SHOC2: variants seen among roughly 807,000 people sequenced by gnomAD.
The protein encoded by SHOC2 is SHOC2 leucine rich repeat scaffold protein, also known as leucine-rich repeat protein SHOC-2.
Under a neutral mutation model 50.2 loss-of-function variants are expected in SHOC2, and 4 were observed. The ratio of observed to expected loss-of-function variants is 0.08; its 90% CI spans 0.04 to 0.18. The LOEUF (loss-of-function observed/expected upper bound fraction) is 0.18, where lower values mean the gene tolerates loss of function less well. SHOC2 is among the 10% of genes least tolerant of loss of function. The pLI is 1.00. For missense variants in SHOC2, 388 were observed against 669.6 expected (o/e 0.58, Z 4.64); for synonymous variants, 218 against 244.5 (o/e 0.89, Z 1.01).
chr10:110,938,468 TATA>T (rs983870294), intron 1 of SHOC2, among the ~76,000 whole-genome samples: 43 of 152,272 alleles, frequency 2.8e-4, no homozygotes, highest in African/African-American at 5.8e-4. Context: ...TTTAATAATT[TATA>T]ATAATAAAAT....
At chr10:110,940,109 T>G (rs1344551847) in intron 1 of SHOC2, among the ~76,000 whole-genome samples, 2 of 152,216 alleles carry the variant, frequency 1.3e-5, no homozygotes, top group Admixed American at 1.3e-4. Flanking sequence ...ATAAAAGTTA[T>G]TAGTGCCATC....
At chr10:110,953,781 C>T (rs1051474050) in intron 1 of SHOC2, among the ~76,000 whole-genome samples, 1 of 151,144 alleles carries the variant, frequency 6.6e-6, no homozygotes, top group Non-Finnish European at 1.5e-5. Flanking sequence ...ATATTTAAAC[C>T]TACCATCTTA....
rs758435784 is a variant in SHOC2 at position 111,007,525 on chromosome 10, T to C, written c.1162-6T>C. The stretch of plus-strand genomic sequence containing the variant: ...TACCTTGGATGCTTCTTTTTGTCTT[T>C]GCCAGGACAATCAGTTAACATCACT... On this transcript the variant is annotated splice_region_variant and splice_polypyrimidine_tract_variant and intron_variant, in intron 5 of 8. Transcript: ENST00000369452. The C allele has an allele frequency of 6.2e-7, 1 of 1,613,570 alleles. No individual in the cohort carries two copies. Among genetic ancestry groups the C allele is most frequent in the South Asian group, 1.1e-5 (1 of 91,064 alleles).
chr10:111,000,393 CT>C (rs1219404970), intron 3 of SHOC2, 21 bp from the exon 4 acceptor site: 1 of 1,612,004 alleles, frequency 6.2e-7, no homozygotes, highest in Admixed American at 1.7e-5. Context: ...AAATAAATTT[CT>C]TTTTTTGTGT....
chr10:110,961,817 C>G (rs1268080231), intron 1 of SHOC2, among the ~76,000 whole-genome samples: 2 of 152,018 alleles, frequency 1.3e-5, no homozygotes, highest in African/African-American at 2.4e-5. Context: ...CAGTTTCTTT[C>G]TTGACCCACC....
chr10:110,924,751 G>T (rs928784711), intron 1 of SHOC2, among the ~76,000 whole-genome samples: 1 of 151,974 alleles, frequency 6.6e-6, no homozygotes, highest in Non-Finnish European at 1.5e-5. Flanking sequence ...TAATTCCCAG[G>T]CTTAGAACTT....
At chr10:110,979,833 G>A (rs567738091) in intron 2 of SHOC2, among the ~76,000 whole-genome samples, 1 of 151,948 alleles carries the variant, frequency 6.6e-6, no homozygotes, top group Non-Finnish European at 1.5e-5. Context: ...TCTCATAATT[G>A]CATCTTATCT....
intron 1 of SHOC2, among the ~76,000 whole-genome samples, chr10:110,928,340 T>A (rs1459904244): frequency 6.6e-6 from 1 of 151,970 alleles, no homozygotes. Context: ...TGCAACCCCG[T>A]CATTGTAGCA....
chr10:110,936,947 T>C, intron 1 of SHOC2: 1 of 1,433,072 alleles, frequency 7.0e-7, no homozygotes, highest in Non-Finnish European at 9.8e-7. Flanking sequence ...CAGAGCGGCC[T>C]GGCCTCGCTT....
chr10:110,965,068 G>T lies in SHOC2; in HGVS notation c.703+7G>T. On this transcript the variant is annotated splice_region_variant and intron_variant, in intron 2 of 8. Coordinates refer to ENST00000369452, the MANE Select transcript of SHOC2 (RefSeq NM_007373.4). ...CAACTACCTGCTGAAATTGGTAAGA[G>T]GCCTTGGATTATTATTATTTGTAGT... 1 of 1,609,192 alleles carries T rather than the reference G, an allele frequency of 6.2e-7. No individual in the cohort carries two copies. The highest frequency in any genetic ancestry group is 1.7e-4 in the Middle Eastern group (1 of 6,048).
chr10:110,978,521 T>C (rs955130990), intron 2 of SHOC2, among the ~76,000 whole-genome samples: 4 of 152,222 alleles, frequency 2.6e-5, no homozygotes, highest in African/African-American at 9.7e-5. Flanking sequence ...TCCTATGTTA[T>C]AGCCCTTTTG....
Position 110,923,582 on chromosome 10 carries a change from A to G in SHOC2, c.-235+3925A>G, listed in dbSNP as rs192410394. ...TCCCATTATCAAGATTTAAAAGAAC[A>G]CTAATTCATTTTCACACTGTATATC... On this transcript the variant is annotated intron_variant, in intron 1 of 8. Coordinates refer to ENST00000369452, the MANE Select transcript of SHOC2 (RefSeq NM_007373.4). Among the ~76,000 whole-genome samples, 75 of 152,300 alleles carry G rather than the reference A, an allele frequency of 4.9e-4. 1 individual carries two copies. The highest frequency in any genetic ancestry group is 4.5e-3 in the Admixed American group (69 of 15,300).
Position 110,964,383 on chromosome 10 carries a change from A to G in SHOC2, c.25A>G (p.Lys9Glu), listed in dbSNP as rs1050830219. 1 of 1,613,172 alleles carries G rather than the reference A, an allele frequency of 6.2e-7. No individual in the cohort carries two copies. Among genetic ancestry groups the G allele is most frequent in the Non-Finnish European group, 8.5e-7 (1 of 1,179,816 alleles). MSSSLGKE[K>E]DSKEKDPKVP... ...CATGAGTAGTAGTTTAGGAAAAGAA[A>G]AAGACTCTAAAGAAAAAGATCCCAA... The change falls in exon 2 of 9, where the codon AAA becomes GAA. Residue 9 changes from lysine (K) to glutamate (E), a missense_variant. By Grantham distance (56) the Lys-to-Glu change is moderately conservative (BLOSUM62 1). Transcript: ENST00000369452. This position sits in a 1 kb window ranked among gnomAD's most constrained non-coding sequence, Gnocchi z 4.9.
chr10:110,986,956 C>T (rs1848089875), intron 3 of SHOC2, among the ~76,000 whole-genome samples: 1 of 152,172 alleles, frequency 6.6e-6, no homozygotes, highest in Admixed American at 6.5e-5. Context: ...AAAAGTTTTG[C>T]TGCAGGCTAA....
chr10:110,979,100 T>C (rs772879176), intron 2 of SHOC2, among the ~76,000 whole-genome samples: 20 of 152,342 alleles, frequency 1.3e-4, no homozygotes, highest in Non-Finnish European at 2.4e-4. Context: ...TTTTCAGTTA[T>C]AGTGTTAGCC....
intron 1 of SHOC2, among the ~76,000 whole-genome samples, chr10:110,948,720 C>T (rs968112280): frequency 2.0e-5 from 3 of 152,116 alleles, no homozygotes; most frequent in Admixed American, 2.0e-4. Flanking sequence ...TTACGTGAAG[C>T]AGCAAAAGCA....
chr10:111,008,150 GC>G (rs1397223332), intron 6 of SHOC2, among the ~76,000 whole-genome samples: 4 of 143,982 alleles, frequency 2.8e-5, no homozygotes, highest in African/African-American at 1.0e-4. Flanking sequence ...TATCTAGAAT[GC>G]CCTCTTCTCA....
intron 1 of SHOC2, among the ~76,000 whole-genome samples, chr10:110,927,820 T>C (rs1846806366): frequency 6.6e-6 from 1 of 152,178 alleles, no homozygotes; most frequent in South Asian, 2.1e-4. Context: ...TTGAAATAAA[T>C]CAAGTGGTAA....
intron 2 of SHOC2, among the ~76,000 whole-genome samples, chr10:110,967,340 C>G (rs1847695386): frequency 6.6e-6 from 1 of 152,124 alleles, no homozygotes; most frequent in South Asian, 2.1e-4. Flanking sequence ...TACCACCCCC[C>G]ATAGATTTTG....
Sources: gnomAD v4.1 joint callset for allele counts (sites outside exome capture counted in the v4.1 genomes callset) on GRCh38, gnomAD v4.1.1 for gene constraint, Gnocchi (gnomAD v3.1) non-coding constraint, MANE v1.5 for transcripts, NCBI Gene and HGNC (gene_info 2026-07-23, HGNC 2026-07-21) for gene names.